ST8SIA2: variants seen among roughly 807,000 people sequenced by gnomAD.
ST8SIA2 encodes the protein ST8 alpha-N-acetyl-neuraminide alpha-2,8-sialyltransferase 2, also known as alpha-2,8-sialyltransferase 8B.
ST8SIA2 carries 22 observed loss-of-function variants against 37.6 expected under a neutral mutation model. The observed-to-expected ratio is 0.58, with a 90% CI of 0.42 to 0.83. The LOEUF is 0.83. Among genes scored for constraint, ST8SIA2 ranks in the 40% least tolerant of loss-of-function variants. The pLI, the probability that ST8SIA2 is intolerant of heterozygous loss-of-function variation, is 0.00. For missense variants in ST8SIA2, 382 were observed against 484.7 expected, an observed-to-expected ratio of 0.79 and a Z score of 1.99; for synonymous variants, 205 against 201.2, an observed-to-expected ratio of 1.02 and a Z score of -0.16.
At position 92,438,555 on chromosome 15, in the gene ST8SIA2, G is replaced by A. The variant is rs770469963; in HGVS notation, c.493G>A (p.Val165Ile). The change falls in exon 4 of 6, where the codon GTC becomes ATC. Residue 165 changes from valine (V) to isoleucine (I), a missense_variant. Transcript: ENST00000268164. ...TTGTGCCATCGTGGGCAACTCGGGG[G>A]TCTTGCTGAACAGCGGCTGTGGGCA... ...GTCAIVGNSG[V>I]LLNSGCGQEI... 4 of 1,613,882 alleles carry A rather than the reference G, an allele frequency of 2.5e-6. No individual in the cohort carries two copies. Among genetic ancestry groups the A allele is most frequent in the African/African-American group, 1.3e-5 (1 of 74,920 alleles).
intron 1 of ST8SIA2, among the ~76,000 whole-genome samples, chr15:92,400,369 G>A (rs1596227300): frequency 6.6e-6 from 1 of 152,178 alleles, no homozygotes; most frequent in Non-Finnish European, 1.5e-5. Flanking sequence ...ATTTTTTGAA[G>A]GAACAAACTC....
intron 1 of ST8SIA2, among the ~76,000 whole-genome samples, chr15:92,405,913 G>T (rs2049505064): frequency 6.6e-6 from 1 of 152,148 alleles, no homozygotes; most frequent in Non-Finnish European, 1.5e-5. Flanking sequence ...TGCAAGGAGG[G>T]CCCAGAGTGA....
At chr15:92,430,234 C>G in intron 2 of ST8SIA2, 123 bp downstream of exon 2, 1 of 998,144 alleles carries the variant, frequency 1.0e-6, no homozygotes, top group Non-Finnish European at 1.5e-6. Context: ...TTCACTTTGG[C>G]TTTGCATTTC....
At chr15:92,413,038 T>G (rs1596232551) in intron 1 of ST8SIA2, among the ~76,000 whole-genome samples, 2 of 142,946 alleles carry the variant, frequency 1.4e-5, no homozygotes, top group African/African-American at 2.6e-5. Context: ...TGGTGGGGGG[T>G]GTAGGGTGGG....
At chr15:92,395,783 G>T (rs1241556833) in intron 1 of ST8SIA2, among the ~76,000 whole-genome samples, 1 of 152,190 alleles carries the variant, frequency 6.6e-6, no homozygotes, top group African/African-American at 2.4e-5. Flanking sequence ...GCCCGGCTCA[G>T]ATCACTTGCT....
chr15:92,438,259 C>T (rs2049773893), intron 3 of ST8SIA2, 94 bp from the exon 4 acceptor site: 3 of 1,577,122 alleles, frequency 1.9e-6, no homozygotes, highest in Non-Finnish European at 2.6e-6. Flanking sequence ...GGGCTGCAGC[C>T]ACCGTGCAGG....
At chr15:92,428,039 A>T (rs1310231199) in intron 1 of ST8SIA2, among the ~76,000 whole-genome samples, 1 of 152,226 alleles carries the variant, frequency 6.6e-6, no homozygotes, top group African/African-American at 2.4e-5. Context: ...TCTTTCTCAG[A>T]GGGTGGTGCA....
intron 1 of ST8SIA2, among the ~76,000 whole-genome samples, chr15:92,426,315 T>G (rs1384904423): frequency 2.6e-5 from 4 of 151,570 alleles, no homozygotes; most frequent in Non-Finnish European, 4.4e-5. Flanking sequence ...GGTTAGGGGG[T>G]TTGCATGGAA....
intron 4 of ST8SIA2, among the ~76,000 whole-genome samples, chr15:92,442,231 C>A (rs1470848133): frequency 6.6e-6 from 1 of 152,210 alleles, no homozygotes; most frequent in African/African-American, 2.4e-5. Context: ...CACAGCCCAT[C>A]CCTGCCTGCC....
At chr15:92,408,573 C>T (rs529354975) in intron 1 of ST8SIA2, among the ~76,000 whole-genome samples, 134 of 152,018 alleles carry the variant, frequency 8.8e-4, no homozygotes, top group Non-Finnish European at 1.2e-3. Flanking sequence ...ATTCTAGGAT[C>T]ACTTACATAT....
At chr15:92,463,878 T>TCG (rs1263698598) in intron 5 of ST8SIA2, among the ~76,000 whole-genome samples, 1 of 151,978 alleles carries the variant, frequency 6.6e-6, no homozygotes, top group African/African-American at 2.4e-5. Context: ...TTTTGAGAAT[T>TCG]TCATAAACTC....
chr15:92,414,160 A>G (rs76191230), intron 1 of ST8SIA2, among the ~76,000 whole-genome samples: 4,134 of 152,270 alleles, frequency 0.027, 195 homozygotes, highest in African/African-American at 0.091. Context: ...GAAATATTCA[A>G]AGCACAGGCC....
chr15:92,441,296 C>T (rs774958994), intron 4 of ST8SIA2, among the ~76,000 whole-genome samples: 4 of 152,182 alleles, frequency 2.6e-5, no homozygotes, highest in Non-Finnish European at 5.9e-5. Flanking sequence ...CCGGCAGAAG[C>T]GGCATTGGAG....
Position 92,418,335 on chromosome 15 carries a change from G to A in ST8SIA2, c.99-11714G>A, listed in dbSNP as rs140154135. On this transcript the variant is annotated intron_variant, in intron 1 of 5. Coordinates refer to ENST00000268164, the MANE Select transcript of ST8SIA2 (RefSeq NM_006011.4). ...AAAAATATGGGGCATGGTGGCACAC[G>A]CCTGTAGTCTCAGCTACTTGGGAGG... 1.7e-3 allele frequency among the ~76,000 whole-genome samples: 264 copies of A among 151,886 alleles called. 3 individuals are homozygous for A. The highest frequency in any genetic ancestry group is 5.8e-3 in the African/African-American group (241 of 41,370).
intron 1 of ST8SIA2, among the ~76,000 whole-genome samples, chr15:92,403,538 G>C (rs1480192133): frequency 6.6e-6 from 1 of 152,172 alleles, no homozygotes; most frequent in Non-Finnish European, 1.5e-5. Flanking sequence ...ACTCTACCTG[G>C]GGAGGTGTGA....
intron 4 of ST8SIA2, among the ~76,000 whole-genome samples, chr15:92,441,588 C>T (rs932733416): frequency 2.9e-5 from 4 of 138,656 alleles, no homozygotes; most frequent in African/African-American, 1.2e-4. Context: ...CACACACACA[C>T]ACACACACAC....
At chr15:92,446,668 T>A (rs2049845058) in intron 5 of ST8SIA2, among the ~76,000 whole-genome samples, 1 of 152,156 alleles carries the variant, frequency 6.6e-6, no homozygotes, top group Non-Finnish European at 1.5e-5. Context: ...AACAAATAAA[T>A]AAGATACTTT....
chr15:92,409,339 C>CGCATT (rs1423261576), intron 1 of ST8SIA2, among the ~76,000 whole-genome samples: 14 of 152,142 alleles, frequency 9.2e-5, no homozygotes, highest in African/African-American at 3.1e-4. Flanking sequence ...TTGAAGCTCA[C>CGCATT]GCATTTGGGA....
At chr15:92,409,326 C>T (rs1452317712) in intron 1 of ST8SIA2, among the ~76,000 whole-genome samples, 2 of 152,174 alleles carry the variant, frequency 1.3e-5, no homozygotes, top group East Asian at 1.9e-4. Context: ...CTAATCTTAC[C>T]TTTTGAAGCT....
Sources: gnomAD v4.1 joint callset for allele counts (sites outside exome capture counted in the v4.1 genomes callset) on GRCh38, gnomAD v4.1.1 for gene constraint, MANE v1.5 for transcripts, NCBI Gene and HGNC (gene_info 2026-07-23, HGNC 2026-07-21) for gene names.